Variants in SYT2 observed in about 807,000 individuals in gnomAD.
SYT2 encodes the protein synaptotagmin 2, also known as synaptotagmin-2.
SYT2 carries 15 observed loss-of-function variants against 39.9 expected under a neutral mutation model. That is an observed-to-expected ratio of 0.38 (90% CI 0.25 to 0.58). The LOEUF (loss-of-function observed/expected upper bound fraction) is 0.58, where lower values mean the gene tolerates loss of function less well. Ranked by LOEUF, SYT2 falls within the 20% of genes least tolerant of loss-of-function variation. The pLI is 0.70. For missense variants in SYT2, 389 were observed against 530.3 expected (o/e 0.73, Z 2.62); for synonymous variants, 181 against 204.5 (o/e 0.89, Z 0.98).
At chr1:202,615,682 C>G (rs975751278) in intron 1 of SYT2, among the ~76,000 whole-genome samples, 5 of 152,218 alleles carry the variant, frequency 3.3e-5, no homozygotes, top group African/African-American at 1.2e-4. Flanking sequence ...TGTCCTTGCT[C>G]TCAGTCACGC....
At chr1:202,687,769 A>G (rs1653709935) in intron 1 of SYT2, among the ~76,000 whole-genome samples, 1 of 152,136 alleles carries the variant, frequency 6.6e-6, no homozygotes, top group South Asian at 2.1e-4. Context: ...GGATTCTGCA[A>G]AAAAAAGCCT....
chr1:202,680,092 T>C (rs1019682508), intron 1 of SYT2, among the ~76,000 whole-genome samples: 1 of 152,218 alleles, frequency 6.6e-6, no homozygotes, highest in Non-Finnish European at 1.5e-5. Context: ...CCCCAGGATA[T>C]GCACTCTCTG....
intron 1 of SYT2, among the ~76,000 whole-genome samples, chr1:202,637,289 C>G (rs1406857173): frequency 6.6e-6 from 1 of 152,164 alleles, no homozygotes; most frequent in Non-Finnish European, 1.5e-5. Context: ...GAAGTTGAGG[C>G]TGCAGTGAGC....
At chr1:202,639,060 C>T (rs1182250303) in intron 1 of SYT2, among the ~76,000 whole-genome samples, 5 of 152,146 alleles carry the variant, frequency 3.3e-5, no homozygotes, top group African/African-American at 9.7e-5. Context: ...ATTTTTTTCA[C>T]GTTTGGCTAT....
At chr1:202,663,209 C>T (rs750318505) in intron 1 of SYT2, among the ~76,000 whole-genome samples, 2 of 152,196 alleles carry the variant, frequency 1.3e-5, no homozygotes, top group East Asian at 1.9e-4. Context: ...GACAGCAAGG[C>T]GTTCAATCTT....
rs113414096 is a variant in SYT2, at chr1:202,599,043, G to GA, written c.1053+174dup. Among the ~76,000 whole-genome samples the GA allele has an allele frequency of 4.8e-3, 732 of 152,240 alleles. 6 individuals carry two copies. Among genetic ancestry groups the GA allele is most frequent in the African/African-American group, 0.017 (700 of 41,524 alleles). ...CATGTTTATCTCCTCAGAAAAGGGG[G>GA]ATCCCTGAAGCACTTGGGAAGGAGG... is the stretch of plus-strand genomic sequence containing the variant. On this transcript the variant is annotated intron_variant, in intron 8 of 8. Coordinates refer to ENST00000367268, the MANE Select transcript of SYT2 (RefSeq NM_177402.5). This position sits in a 1 kb window ranked among gnomAD's most constrained non-coding sequence, Gnocchi z 4.4.
At chr1:202,657,557 G>A (rs1446681634) in intron 1 of SYT2, among the ~76,000 whole-genome samples, 3 of 152,120 alleles carry the variant, frequency 2.0e-5, no homozygotes, top group Admixed American at 6.5e-5. Flanking sequence ...TTGGTGTGGC[G>A]GTCACTGCAT....
intron 1 of SYT2, among the ~76,000 whole-genome samples, chr1:202,625,355 ATGTT>A (rs1464335279): frequency 1.2e-5 from 1 of 83,792 alleles, no homozygotes; most frequent in African/African-American, 4.8e-5. Context: ...TGTGTGTGTG[ATGTT>A]TGTGGTGTGT....
chr1:202,629,867 T>TGGGGGGGGGG (rs71281826), intron 1 of SYT2, among the ~76,000 whole-genome samples: 1 of 39,530 alleles, frequency 2.5e-5, no homozygotes, highest in Non-Finnish European at 5.2e-5. Context: ...AGGCAGCTGG[T>TGGGGGGGGGG]GGGGGGGGGG....
At chr1:202,598,906 C>T (rs1392142569) in intron 8 of SYT2, among the ~76,000 whole-genome samples, 15 of 152,196 alleles carry the variant, frequency 9.9e-5, no homozygotes, top group Admixed American at 9.8e-4. Context: ...CCCACCCTCT[C>T]AGCCAGCTCC....
intron 1 of SYT2, among the ~76,000 whole-genome samples, chr1:202,611,199 C>A (rs1474796738): frequency 1.3e-5 from 2 of 152,158 alleles, no homozygotes; most frequent in Non-Finnish European, 2.9e-5. Context: ...AATATCTATT[C>A]AAATCCTTTG....
At chr1:202,699,101 C>T (rs1234202218) in intron 1 of SYT2, among the ~76,000 whole-genome samples, 1 of 149,848 alleles carries the variant, frequency 6.7e-6, no homozygotes, top group Non-Finnish European at 1.5e-5. Context: ...TGGCTCACTG[C>T]AGCCTCAACT....
intron 8 of SYT2, among the ~76,000 whole-genome samples, chr1:202,598,654 G>A (rs574472665): frequency 6.6e-6 from 1 of 152,152 alleles, no homozygotes; most frequent in Non-Finnish European, 1.5e-5. Flanking sequence ...TGGGTCTCTT[G>A]TCCTACCACG....
At chr1:202,692,615 T>C (rs1435068822) in intron 1 of SYT2, among the ~76,000 whole-genome samples, 2 of 152,258 alleles carry the variant, frequency 1.3e-5, no homozygotes, top group Non-Finnish European at 2.9e-5. Flanking sequence ...CAGAGTGTGA[T>C]TGAGCTTGGA....
intron 1 of SYT2, among the ~76,000 whole-genome samples, chr1:202,647,798 G>A (rs887397166): frequency 3.3e-5 from 5 of 151,994 alleles, no homozygotes; most frequent in Non-Finnish European, 7.4e-5. Flanking sequence ...CTAGTGCTAA[G>A]AGAGACCCTC....
At chr1:202,637,228 G>C (rs1019801269) in intron 1 of SYT2, among the ~76,000 whole-genome samples, 3 of 152,208 alleles carry the variant, frequency 2.0e-5, no homozygotes, top group African/African-American at 7.2e-5. Flanking sequence ...GTGCACACCT[G>C]TAGTCCCAGC....
chr1:202,636,416 G>C, intron 1 of SYT2: 1 of 984,976 alleles, frequency 1.0e-6, no homozygotes, highest in Non-Finnish European at 1.2e-6. Context: ...GCATCCGCTA[G>C]GCTCACTGGC....
In SYT2 at chr1:202,596,075, T is replaced by C. The variant is rs1690273516; in HGVS notation, c.*682A>G. On this transcript the variant is annotated 3_prime_UTR_variant, in exon 9 of 9. Coordinates refer to ENST00000367268, the MANE Select transcript of SYT2 (RefSeq NM_177402.5). ...ACAGGAGTATGAAAGCCCCGATATC[T>C]GAACAGGATCCTGAGACTTTGCCAT... 1 of 152,120 alleles carries C rather than the reference T, an allele frequency of 6.6e-6. No individual in the cohort carries two copies. The highest frequency in any genetic ancestry group is 2.4e-5 in the African/African-American group (1 of 41,410). 9.4% of individuals were successfully genotyped at this position (152,120 alleles called of 1,614,324 possible). A position where few individuals can be genotyped will look rare whatever the true frequency, so the allele number is the denominator to read the frequency against.
chr1:202,661,595 G>C (rs1692382324), intron 1 of SYT2, among the ~76,000 whole-genome samples: 1 of 152,136 alleles, frequency 6.6e-6, no homozygotes, highest in Admixed American at 6.5e-5. Context: ...GGCAGGGGGA[G>C]CTCAGCCCGT....
Sources: allele counts gnomAD v4.1 joint callset (sites outside exome capture counted in the v4.1 genomes callset), GRCh38; gene constraint gnomAD v4.1.1; non-coding constraint Gnocchi (gnomAD v3.1); transcripts MANE v1.5; gene names NCBI Gene and HGNC (gene_info 2026-07-23, HGNC 2026-07-21).